Variants in IFT74 observed in about 807,000 individuals in gnomAD.
The protein encoded by IFT74 is intraflagellar transport 74, also known as intraflagellar transport protein 74 homolog.
A neutral mutation model predicts 96.7 loss-of-function variants in IFT74; 92 were observed. That is an observed-to-expected ratio of 0.95 (90% CI 0.80 to 1.13). The LOEUF (loss-of-function observed/expected upper bound fraction) is 1.13, where lower values mean the gene tolerates loss of function less well. IFT74 is among the 50% of genes most tolerant of loss of function. IFT74 has a pLI of 0.00. For missense variants in IFT74, 811 were observed against 698.2 expected, an observed-to-expected ratio of 1.16 and a Z score of -1.82; for synonymous variants, 223 against 213.2, an observed-to-expected ratio of 1.05 and a Z score of -0.40.
At position 27,012,708 on chromosome 9, in the gene IFT74, GTTTTTTTTTTTTT is replaced by G. The variant is rs772920018; in HGVS notation, c.789+755_789+767del. ...GAACAAGAGGAAAGTAAAAATGTCT[GTTTTTTTTTTTTT>G]TTTTTTTTTTTTTTAGACAGAGTAT... is the stretch of plus-strand genomic sequence containing the variant. On this transcript the variant is annotated intron_variant, in intron 10 of 19. Coordinates refer to ENST00000380062, the MANE Select transcript of IFT74 (RefSeq NM_025103.4). 1.3e-4 allele frequency among the ~76,000 whole-genome samples: 7 copies of G among 53,878 alleles called. No individual in the cohort carries two copies. The South Asian group carries it at 2.3e-3, about 18-fold the overall frequency. The allele number at this position is 53,878 out of a possible 152,430, so 35.3% of individuals were successfully genotyped here.
chr9:26,990,153 G>A lies in IFT74; in HGVS notation c.545G>A (p.Arg182Gln), dbSNP rs757613899. Residue 182 changes from arginine (R) to glutamine (Q), a missense_variant, in exon 8 of 20, where the codon CGA (arginine) becomes CAA (glutamine). Transcript: ENST00000380062. ...ATTCAGCTTAAAGCTCAAAATGATC[G>A]AGAAACACAAAGTTTGGATGTCATA... ...DYNMLKAQND[R>Q]ETQSLDVIFT... 22 of 1,495,882 alleles carry A rather than the reference G, an allele frequency of 1.5e-5. No homozygotes were observed. The South Asian group carries it at 1.5e-4, about 10-fold the overall frequency. The allele number at this position is 1,495,882 out of a possible 1,614,324, so 92.7% of individuals were successfully genotyped here.
At chr9:26,985,611 C>T (rs945958741) in intron 6 of IFT74, among the ~76,000 whole-genome samples, 2 of 152,094 alleles carry the variant, frequency 1.3e-5, no homozygotes, top group Non-Finnish European at 2.9e-5. Flanking sequence ...TCATTTCCCT[C>T]CCCAGAAATA....
intron 16 of IFT74, 23 bp downstream of exon 16, chr9:27,048,297 AAT>A: frequency 6.6e-7 from 1 of 1,516,562 alleles, no homozygotes; most frequent in Non-Finnish European, 8.9e-7. Context: ...CCTAGATTTT[AAT>A]ATTCTTTTTT....
At position 27,064,440 on chromosome 9, in the gene IFT74, G is replaced by A. The variant is rs1228115106; in HGVS notation, c.*1704G>A. ...AATTCAGTAGATAAAACAGGTAATA[G>A]ATTTTGATGACAGTTTGCAGCCCTT... On this transcript the variant is annotated 3_prime_UTR_variant, in exon 20 of 20. Transcript: ENST00000380062. Among the ~76,000 whole-genome samples, 1 of 152,142 alleles carries A rather than the reference G, an allele frequency of 6.6e-6. No homozygotes were observed. The highest frequency in any genetic ancestry group is 1.5e-5 in the Non-Finnish European group (1 of 67,980).
At chr9:26,995,715 G>T in intron 8 of IFT74, 1 of 1,613,812 alleles carries the variant, frequency 6.2e-7, no homozygotes, top group East Asian at 2.2e-5. Flanking sequence ...TCTTCCAGGC[G>T]ATGATGATTA....
At chr9:26,983,594 CTG>C (rs754635831) in intron 4 of IFT74, among the ~76,000 whole-genome samples, 63 of 152,208 alleles carry the variant, frequency 4.1e-4, no homozygotes, top group South Asian at 8.3e-4. Flanking sequence ...TGTTGAGAAA[CTG>C]TGCTCTAGAG....
chr9:27,049,927 T>A (rs943755602), intron 16 of IFT74, among the ~76,000 whole-genome samples: 1 of 152,182 alleles, frequency 6.6e-6, no homozygotes, highest in Non-Finnish European at 1.5e-5. Flanking sequence ...AGAGACAGAT[T>A]AATTTTAATA....
intron 1 of IFT74, among the ~76,000 whole-genome samples, chr9:26,949,757 G>T (rs994345130): frequency 6.6e-6 from 1 of 152,078 alleles, no homozygotes; most frequent in Non-Finnish European, 1.5e-5. Context: ...GCTAGGAAAT[G>T]GGAAATGCTA....
chr9:27,011,935 T>C lies in IFT74; in HGVS notation c.756T>C (p.Asp252=). The change falls in exon 10 of 20, where the codon GAT becomes GAC. Residue 252 remains aspartate, a synonymous_variant. Coordinates refer to ENST00000380062, the MANE Select transcript of IFT74 (RefSeq NM_025103.4). ...QELDTLQQQL[D]SQNMKKESLE... is the part of the protein sequence containing the mutation. ...TAGATACACTTCAACAACAATTGGA[T>C]TCACAGAACATGAAAAAAGAGAGCC... 1.3e-6 allele frequency: 2 copies of C among 1,588,150 alleles called. No individual in the cohort carries two copies. The highest frequency in any genetic ancestry group is 1.2e-5 in the South Asian group (1 of 85,894).
At chr9:27,055,833 T>A (rs1157069035) in intron 17 of IFT74, 61 bp downstream of exon 17, 1 of 1,097,948 alleles carries the variant, frequency 9.1e-7, no homozygotes, top group African/African-American at 1.6e-5. Context: ...TGATCAAATG[T>A]AATATATTTG....
chr9:27,056,512 C>A, intron 18 of IFT74, 53 bp downstream of exon 18: 2 of 1,456,540 alleles, frequency 1.4e-6, no homozygotes, highest in South Asian at 1.3e-5. Context: ...ATTTTCACCC[C>A]AAAACAATCA....
At chr9:27,009,609 C>T (rs1828951577) in intron 9 of IFT74, among the ~76,000 whole-genome samples, 1 of 151,314 alleles carries the variant, frequency 6.6e-6, no homozygotes, top group African/African-American at 2.4e-5. Flanking sequence ...GTGGAGGTTG[C>T]AGTAGTGAGC....
At chr9:27,028,253 G>T (rs1300340714) in intron 12 of IFT74, among the ~76,000 whole-genome samples, 1 of 152,046 alleles carries the variant, frequency 6.6e-6, no homozygotes, top group African/African-American at 2.4e-5. Flanking sequence ...ATAATCTTCT[G>T]CCAGTGGTAG....
chr9:27,017,938 C>T (rs370026919), intron 11 of IFT74, among the ~76,000 whole-genome samples: 1 of 152,098 alleles, frequency 6.6e-6, no homozygotes, highest in African/African-American at 2.4e-5. Context: ...GACTCCTTTG[C>T]CCTTAGACTT....
At chr9:26,979,362 G>A (rs12340112) in intron 3 of IFT74, among the ~76,000 whole-genome samples, 6 of 151,978 alleles carry the variant, frequency 3.9e-5, no homozygotes, top group African/African-American at 1.2e-4. Flanking sequence ...TTAAAACATC[G>A]AGGGTAAAAA....
At chr9:27,036,336 G>A in intron 13 of IFT74, 1 of 1,360,596 alleles carries the variant, frequency 7.3e-7, no homozygotes, top group South Asian at 1.6e-5. Flanking sequence ...TAGAAAATTG[G>A]GTGAAACCTA....
intron 8 of IFT74, chr9:26,997,684 T>C (rs763724636): frequency 5.9e-6 from 9 of 1,536,164 alleles, no homozygotes; most frequent in Non-Finnish European, 7.9e-6. Context: ...TGGTGGAACA[T>C]TGAGTTAATC....
At chr9:27,053,977 A>G (rs1820047244) in intron 16 of IFT74, among the ~76,000 whole-genome samples, 2 of 152,300 alleles carry the variant, frequency 1.3e-5, no homozygotes, top group Non-Finnish European at 1.5e-5. Flanking sequence ...TGCTATATAC[A>G]TATTTGTATT....
At chr9:27,050,339 G>A (rs534668804) in intron 16 of IFT74, among the ~76,000 whole-genome samples, 4 of 152,310 alleles carry the variant, frequency 2.6e-5, no homozygotes, top group South Asian at 2.1e-4. Flanking sequence ...GAATACAGGC[G>A]TAAGCCACTG....
Sources: allele counts gnomAD v4.1 joint callset (sites outside exome capture counted in the v4.1 genomes callset), GRCh38; gene constraint gnomAD v4.1.1; transcripts MANE v1.5; gene names NCBI Gene and HGNC (gene_info 2026-07-23, HGNC 2026-07-21).